The following GRID1 variants were observed in gnomAD, a reference collection of about 807,000 sequenced individuals.
The protein encoded by GRID1 is glutamate receptor ionotropic, delta-1.
Under a neutral mutation model 98.0 loss-of-function variants are expected in GRID1, and 28 were observed. That is an observed-to-expected ratio of 0.29 (90% confidence interval 0.21 to 0.39). The LOEUF (loss-of-function observed/expected upper bound fraction) is 0.39. GRID1 is among the 10% of genes least tolerant of loss of function. The pLI is 1.00. For missense variants in GRID1, 1,111 were observed against 1,340.5 expected (o/e 0.83, Z 2.67); for synonymous variants, 553 against 538.5 (o/e 1.03, Z -0.37).
chr10:85,707,579 G>A (rs1841534712), intron 12 of GRID1, among the ~76,000 whole-genome samples: 6 of 152,172 alleles, frequency 3.9e-5, no homozygotes, highest in Non-Finnish European at 8.8e-5. Flanking sequence ...TCTAGAACTA[G>A]AAGTACCATT....
chr10:85,783,607 G>T (rs1037285250), intron 8 of GRID1, among the ~76,000 whole-genome samples: 1 of 152,184 alleles, frequency 6.6e-6, no homozygotes, highest in Non-Finnish European at 1.5e-5. Flanking sequence ...ACATACCTTT[G>T]TAGGAGCCAA....
At chr10:85,962,141 G>T (rs902811748) in intron 4 of GRID1, among the ~76,000 whole-genome samples, 1 of 152,126 alleles carries the variant, frequency 6.6e-6, no homozygotes, top group Non-Finnish European at 1.5e-5. Context: ...CCTCCTCACT[G>T]GTCTGGGTTT....
intron 6 of GRID1, among the ~76,000 whole-genome samples, chr10:85,863,387 C>T (rs1428321466): frequency 6.6e-6 from 1 of 152,170 alleles, no homozygotes; most frequent in Non-Finnish European, 1.5e-5. Flanking sequence ...CCTCCTAATA[C>T]TGTCACCTTG....
intron 2 of GRID1, among the ~76,000 whole-genome samples, chr10:86,238,343 G>A (rs1846573202): frequency 6.6e-6 from 1 of 152,198 alleles, no homozygotes; most frequent in South Asian, 2.1e-4. Context: ...TGCATCACAG[G>A]CACTCCAGCT....
chr10:86,070,724 A>C (rs1214463130), intron 4 of GRID1, among the ~76,000 whole-genome samples: 1 of 152,156 alleles, frequency 6.6e-6, no homozygotes, highest in Non-Finnish European at 1.5e-5. Flanking sequence ...CCACCCACTC[A>C]TCTGTGTGTT....
intron 8 of GRID1, among the ~76,000 whole-genome samples, chr10:85,765,158 A>G (rs1842185548): frequency 6.6e-6 from 1 of 152,216 alleles, no homozygotes; most frequent in Admixed American, 6.5e-5. Context: ...ACTGAGGCTC[A>G]TAGAAGTTGA....
intron 3 of GRID1, among the ~76,000 whole-genome samples, chr10:86,168,392 C>T (rs1032626204): frequency 1.3e-5 from 2 of 152,072 alleles, no homozygotes; most frequent in Non-Finnish European, 2.9e-5. Context: ...CTCGCCCGCC[C>T]TCGTGCACTG....
intron 2 of GRID1, among the ~76,000 whole-genome samples, chr10:86,216,268 T>C (rs1302792004): frequency 6.6e-6 from 1 of 152,238 alleles, no homozygotes; most frequent in Non-Finnish European, 1.5e-5. Context: ...CATGGCTTTG[T>C]GTATCTTCAG....
intron 8 of GRID1, among the ~76,000 whole-genome samples, chr10:85,842,702 T>C (rs1473453643): frequency 1.3e-5 from 2 of 152,158 alleles, no homozygotes; most frequent in Non-Finnish European, 1.5e-5. Flanking sequence ...CATGATGAAA[T>C]AGATAATCTG....
At chr10:85,741,337 C>T (rs1841940995) in intron 8 of GRID1, among the ~76,000 whole-genome samples, 1 of 152,078 alleles carries the variant, frequency 6.6e-6, no homozygotes, top group Admixed American at 6.6e-5. Flanking sequence ...TTTAAGACTT[C>T]TAGTCATGGT....
chr10:86,023,361 C>A (rs570898574), intron 4 of GRID1, among the ~76,000 whole-genome samples: 1 of 152,172 alleles, frequency 6.6e-6, no homozygotes, highest in African/African-American at 2.4e-5. Context: ...TAAGCCCTTA[C>A]CTCGTTGAAC....
At chr10:86,257,079 G>T (rs1846932155) in intron 2 of GRID1, among the ~76,000 whole-genome samples, 1 of 152,208 alleles carries the variant, frequency 6.6e-6, no homozygotes, top group African/African-American at 2.4e-5. Context: ...AATCTGTTCA[G>T]TGCCCCTTTG....
intron 8 of GRID1, among the ~76,000 whole-genome samples, chr10:85,770,372 G>A (rs1206336013): frequency 6.6e-6 from 1 of 151,958 alleles, no homozygotes; most frequent in Non-Finnish European, 1.5e-5. Context: ...CCACAAAGAT[G>A]GGGAAAAAAA....
At chr10:85,856,626 T>G (rs1843112583) in intron 6 of GRID1, among the ~76,000 whole-genome samples, 1 of 152,076 alleles carries the variant, frequency 6.6e-6, no homozygotes, top group Non-Finnish European at 1.5e-5. Context: ...TCCACCAGAG[T>G]TTTTTGTAAA....
chr10:86,322,489 G>A (rs904147888), intron 2 of GRID1, among the ~76,000 whole-genome samples: 1 of 151,960 alleles, frequency 6.6e-6, no homozygotes, highest in African/African-American at 2.4e-5. Context: ...TCGGGTCACT[G>A]CAACCTCCAC....
In GRID1 at chr10:85,914,570, T is replaced by C. The variant is rs1251767899; in HGVS notation, c.780+1616A>G. 3.3e-5 allele frequency among the ~76,000 whole-genome samples: 5 copies of C among 152,154 alleles called. 1 individual carries two copies. The South Asian group carries it at 1.0e-3, about 32-fold the overall frequency. On this transcript the variant is annotated intron_variant, in intron 5 of 15. Coordinates refer to ENST00000327946, the MANE Select transcript of GRID1 (RefSeq NM_017551.3). Reference sequence around the variant, plus strand: ...ACGGTAAATGGACGGTTACTGCACGTCCCCAGCTGCCCTCTGTGGACATGG... The same window carrying C: ...ACGGTAAATGGACGGTTACTGCACGCCCCCAGCTGCCCTCTGTGGACATGG...
At chr10:86,294,496 G>C (rs988723616) in intron 2 of GRID1, among the ~76,000 whole-genome samples, 1 of 152,212 alleles carries the variant, frequency 6.6e-6, no homozygotes, top group Non-Finnish European at 1.5e-5. Context: ...TAGCCATGGG[G>C]GTGGTCAGTG....
chr10:86,320,711 C>T (rs573590297), intron 2 of GRID1, among the ~76,000 whole-genome samples: 1 of 152,258 alleles, frequency 6.6e-6, no homozygotes, highest in Non-Finnish European at 1.5e-5. Flanking sequence ...ACACACACAT[C>T]CTTAGGACTC....
intron 8 of GRID1, among the ~76,000 whole-genome samples, chr10:85,798,091 G>C (rs1485575768): frequency 6.6e-6 from 1 of 152,120 alleles, no homozygotes; most frequent in Non-Finnish European, 1.5e-5. Flanking sequence ...CGTGTCTTTT[G>C]AGTACAATGA....
Sources: allele counts gnomAD v4.1 joint callset (sites outside exome capture counted in the v4.1 genomes callset), GRCh38; gene constraint gnomAD v4.1.1; transcripts MANE v1.5; gene names NCBI Gene and HGNC (gene_info 2026-07-23, HGNC 2026-07-21).